Variants in CMIP observed in about 807,000 individuals in gnomAD.
CMIP encodes the protein C-Maf-inducing protein.
A neutral mutation model predicts 97.3 loss-of-function variants in CMIP; 13 were observed. That is an observed-to-expected ratio of 0.13 (90% CI 0.09 to 0.21). The LOEUF is 0.21. Ranked by LOEUF, CMIP falls within the 10% of genes least tolerant of loss-of-function variation. The pLI is 1.00. For synonymous variants in CMIP, 538 were observed against 436.3 expected, an observed-to-expected ratio of 1.23 and a Z score of -2.91; for missense variants, 847 against 1,024.9, an observed-to-expected ratio of 0.83 and a Z score of 2.37.
At chr16:81,529,587 G>A (rs1000537562) in intron 1 of CMIP, among the ~76,000 whole-genome samples, 1 of 152,232 alleles carries the variant, frequency 6.6e-6, no homozygotes, top group African/African-American at 2.4e-5. Flanking sequence ...CCGCAGAGGA[G>A]ACTGGGTTGA....
chr16:81,679,838 T>C (rs1340915880), intron 10 of CMIP, among the ~76,000 whole-genome samples: 1 of 152,186 alleles, frequency 6.6e-6, no homozygotes, highest in Non-Finnish European at 1.5e-5. Context: ...GAGCACCTGG[T>C]TCTGGGAGCC....
At position 81,616,501 on chromosome 16, in the gene CMIP, G is replaced by A. The variant is rs1416626263; in HGVS notation, c.427-4375G>A. ...GGTGCCTGGTACCGAGTAAGCACCC[G>A]TGGTCTGTGGTTGGTAGTGACATGC... On this transcript the variant is annotated intron_variant, in intron 2 of 20. Coordinates refer to ENST00000537098, the MANE Select transcript of CMIP (RefSeq NM_198390.3). The surrounding 1 kb of genome is among the most constrained non-coding windows in gnomAD (Gnocchi z 4.7). 3.3e-5 allele frequency among the ~76,000 whole-genome samples: 5 copies of A among 152,346 alleles called. No homozygotes were observed. The highest frequency in any genetic ancestry group is 4.1e-4 in the South Asian group (2 of 4,830).
chr16:81,669,302 ACACT>A (rs1477876221), intron 7 of CMIP, among the ~76,000 whole-genome samples: 4 of 45,088 alleles, frequency 8.9e-5, no homozygotes, highest in African/African-American at 3.6e-4. Context: ...CCCACCTCTC[ACACT>A]CACCTCCTTC....
chr16:81,478,378 G>A (rs1477471857), intron 1 of CMIP, among the ~76,000 whole-genome samples: 1 of 152,176 alleles, frequency 6.6e-6, no homozygotes, highest in African/African-American at 2.4e-5. Flanking sequence ...AGGGGTTGTA[G>A]GGCCGAGATT....
At chr16:81,582,782 A>C (rs566580476) in intron 1 of CMIP, among the ~76,000 whole-genome samples, 1 of 152,342 alleles carries the variant, frequency 6.6e-6, no homozygotes, top group South Asian at 2.1e-4. Context: ...AGGATGAAGC[A>C]AGAGGGAACG....
chr16:81,451,099 G>C (rs1293692897), intron 1 of CMIP, among the ~76,000 whole-genome samples: 1 of 152,186 alleles, frequency 6.6e-6, no homozygotes, highest in Non-Finnish European at 1.5e-5. Context: ...GTTAGTCCCA[G>C]CCTCTTTGAT....
chr16:81,480,057 T>C (rs1238678977), intron 1 of CMIP, among the ~76,000 whole-genome samples: 1 of 152,228 alleles, frequency 6.6e-6, no homozygotes, highest in East Asian at 1.9e-4. Context: ...CCAGAGACGC[T>C]GATGGCTTTG....
chr16:81,641,644 C>T (rs1322870609), intron 3 of CMIP, among the ~76,000 whole-genome samples: 2 of 152,170 alleles, frequency 1.3e-5, no homozygotes, highest in African/African-American at 2.4e-5. Context: ...TCCCTGGAAG[C>T]GGCATTGAGC....
intron 1 of CMIP, among the ~76,000 whole-genome samples, chr16:81,550,683 G>T (rs2090635238): frequency 6.6e-6 from 1 of 152,166 alleles, no homozygotes; most frequent in Non-Finnish European, 1.5e-5. Context: ...GAAACTACTA[G>T]AAGGCTGAAG....
intron 16 of CMIP, among the ~76,000 whole-genome samples, chr16:81,702,261 C>T (rs1340971045): frequency 6.6e-6 from 1 of 152,154 alleles, no homozygotes; most frequent in Admixed American, 6.5e-5. Flanking sequence ...ACCCCAGCTC[C>T]CTCACCCCTT....
chr16:81,572,774 A>C (rs1484102802), intron 1 of CMIP, among the ~76,000 whole-genome samples: 1 of 152,082 alleles, frequency 6.6e-6, no homozygotes, highest in Non-Finnish European at 1.5e-5. Flanking sequence ...CTGGTTGTGA[A>C]ATCAGTTTGA....
chr16:81,559,642 C>T (rs2090837572), intron 1 of CMIP, among the ~76,000 whole-genome samples: 1 of 152,130 alleles, frequency 6.6e-6, no homozygotes, highest in African/African-American at 2.4e-5. Flanking sequence ...GGTGGTGGTG[C>T]TGGTGTAAAC....
chr16:81,669,998 A>G (rs2092666375), intron 7 of CMIP, 144 bp from the exon 8 acceptor site: 2 of 691,636 alleles, frequency 2.9e-6, no homozygotes, highest in African/African-American at 3.6e-5. Context: ...TGTGCTTTCC[A>G]GAGGGTTGGT....
At chr16:81,553,581 G>A (rs961813663) in intron 1 of CMIP, among the ~76,000 whole-genome samples, 5 of 152,334 alleles carry the variant, frequency 3.3e-5, no homozygotes, top group Admixed American at 1.3e-4. Flanking sequence ...CCTTTCACCC[G>A]GCAGTGGGGA....
chr16:81,702,989 T>G (rs1907591610), intron 17 of CMIP, among the ~76,000 whole-genome samples: 1 of 152,188 alleles, frequency 6.6e-6, no homozygotes, highest in Non-Finnish European at 1.5e-5. Context: ...TAGTTTGTTT[T>G]ATCCTCACAG....
At chr16:81,451,782 G>A (rs1022016472) in intron 1 of CMIP, among the ~76,000 whole-genome samples, 1 of 152,196 alleles carries the variant, frequency 6.6e-6, no homozygotes, top group Non-Finnish European at 1.5e-5. Context: ...AGCTCCACCT[G>A]AGGGCATTGC....
At chr16:81,701,631 C>G (rs543706692) in intron 15 of CMIP, 29 bp from the exon 16 acceptor site, 1 of 1,613,648 alleles carries the variant, frequency 6.2e-7, no homozygotes, top group African/African-American at 1.3e-5. Context: ...CAGGCCGGGT[C>G]CGTAATGCAC....
At chr16:81,502,594 G>T (rs564917123) in intron 1 of CMIP, among the ~76,000 whole-genome samples, 13 of 152,320 alleles carry the variant, frequency 8.5e-5, no homozygotes, top group African/African-American at 2.9e-4. Flanking sequence ...GCGAGGATGG[G>T]GAGGACTCAG....
intron 1 of CMIP, among the ~76,000 whole-genome samples, chr16:81,501,371 CCT>C (rs1308537380): frequency 6.6e-6 from 1 of 152,232 alleles, no homozygotes; most frequent in Non-Finnish European, 1.5e-5. Context: ...ACCTGAAGCC[CCT>C]CTTTGGCCCC....
Sources: gnomAD v4.1 joint callset for allele counts (sites outside exome capture counted in the v4.1 genomes callset) on GRCh38, gnomAD v4.1.1 for gene constraint, Gnocchi (gnomAD v3.1) non-coding constraint, MANE v1.5 for transcripts, NCBI Gene and HGNC (gene_info 2026-07-23, HGNC 2026-07-21) for gene names.